The following CIB3 variants were observed in gnomAD, a reference collection of about 807,000 sequenced individuals.
CIB3 encodes calcium and integrin-binding family member 3.
Under a neutral mutation model 23.4 loss-of-function variants are expected in CIB3, and 22 were observed. The ratio of observed to expected loss-of-function variants is 0.94; its 90% CI spans 0.67 to 1.34. The LOEUF (loss-of-function observed/expected upper bound fraction) is 1.34, where lower values mean the gene tolerates loss of function less well. CIB3 is among the 40% of genes most tolerant of loss of function. The pLI is 0.00. For synonymous variants in CIB3, 93 were observed against 95.8 expected, an observed-to-expected ratio of 0.97 and a Z score of 0.17; for missense variants, 258 against 247.3, an observed-to-expected ratio of 1.04 and a Z score of -0.29.
intron 2 of CIB3, 80 bp downstream of exon 2, chr19:16,173,081 CA>C (rs2091336382): frequency 6.8e-6 from 10 of 1,472,994 alleles, no homozygotes; most frequent in African/African-American, 4.4e-5. Flanking sequence ...CACACACACA[CA>C]CACCAAATTG....
chr19:16,168,014 G>C, intron 4 of CIB3, 123 bp downstream of exon 4: 1 of 1,254,734 alleles, frequency 8.0e-7, no homozygotes, highest in Non-Finnish European at 1.1e-6. Context: ...GAGTGGGGTG[G>C]AGGACAGGGC....
chr19:16,172,443 C>A lies in CIB3; in HGVS notation c.86+719G>T, dbSNP rs142271524. Among the ~76,000 whole-genome samples the A allele has an allele frequency of 6.2e-3, 941 of 152,270 alleles. 7 individuals carry two copies. Among genetic ancestry groups the A allele is most frequent in the Middle Eastern group, 0.01 (3 of 294 alleles). ...GTGCTGGGATTACAGGCATGAGCCA[C>A]CGCGCCCAGCCTCAGGAGAATCTTT... On this transcript the variant is annotated intron_variant, in intron 2 of 5. Transcript: ENST00000269878.
rs201595916 is a variant in CIB3 at position 16,173,380 on chromosome 19, C to T, written c.51+45G>A. The stretch of plus-strand genomic sequence containing the variant: ...TGTTCCCATTTCCCAGACCACGGAA[C>T]CAAAGTTGTCAAACCCACTGAGGAC... On this transcript the variant is annotated intron_variant, in intron 1 of 5. Transcript: ENST00000269878. 93 of 1,595,484 alleles carry T rather than the reference C, an allele frequency of 5.8e-5. No homozygotes were observed. In the East Asian group the frequency reaches 1.8e-3, roughly 31 times the overall value.
At chr19:16,168,887 C>G (rs559698991) in intron 3 of CIB3, among the ~76,000 whole-genome samples, 6 of 152,138 alleles carry the variant, frequency 3.9e-5, no homozygotes, top group Non-Finnish European at 7.3e-5. Context: ...CATTCTGTCC[C>G]TCTCAAATAA....
At chr19:16,162,988 C>G (rs2091291243) in intron 5 of CIB3, among the ~76,000 whole-genome samples, 1 of 146,432 alleles carries the variant, frequency 6.8e-6, no homozygotes, top group African/African-American at 2.6e-5. Flanking sequence ...GGTTCGGGTT[C>G]AAGTTACTCT....
rs1323171858 is a variant in CIB3 at position 16,173,432 on chromosome 19, G to A, written c.44C>T (p.Ala15Val). 14 of 1,613,734 alleles carry A rather than the reference G, an allele frequency of 8.7e-6. No homozygotes were observed. The highest frequency in any genetic ancestry group is 1.1e-5 in the South Asian group (1 of 91,076). Residue 15 changes from alanine (A) to valine (V), a missense_variant, in exon 1 of 6, where the codon GCG becomes GTG. By Grantham distance (64) the Ala-to-Val change is moderately conservative. Transcript: ENST00000269878. ...QTVFTHEQLE[A>V]YQDCTFFTRK... Reference sequence around the variant, plus strand: ...CATCCTGCCCCCCTCTACCTGATACGCTTCCAGCTGCTCGTGTGTGAAGAC... The same window carrying A: ...CATCCTGCCCCCCTCTACCTGATACACTTCCAGCTGCTCGTGTGTGAAGAC...
chr19:16,167,775 T>C (rs1370297883), intron 4 of CIB3, among the ~76,000 whole-genome samples: 1 of 152,026 alleles, frequency 6.6e-6, no homozygotes. Flanking sequence ...GAGACTGCAG[T>C]AAGCCAAGAT....
Position 16,172,017 on chromosome 19 carries a change from G to C in CIB3, c.86+1145C>G, listed in dbSNP as rs371016753. On this transcript the variant is annotated intron_variant, in intron 2 of 5. Transcript: ENST00000269878. ...TACTCATCTGTGCCCATCGTGCTGG[G>C]TCACGCCAGGGACCTGCAGCAGCCT... 1.3e-4 allele frequency among the ~76,000 whole-genome samples: 20 copies of C among 152,326 alleles called. No individual in the cohort carries two copies. In the East Asian group the frequency reaches 2.9e-3, roughly 22 times the overall value.
Position 16,161,506 on chromosome 19 carries a change from G to T in CIB3, c.543-20C>A. ...AAGGTGCTGTGTGCAGAGAGAAAAG[G>T]AGTCAAGGCCTTCAAGGAGTGGACA... On this transcript the variant is annotated intron_variant, in intron 5 of 5. Transcript: ENST00000269878. 6 of 1,613,790 alleles carry T rather than the reference G, an allele frequency of 3.7e-6. No individual in the cohort carries two copies. The highest frequency in any genetic ancestry group is 1.1e-5 in the South Asian group (1 of 91,056).
chr19:16,172,022 G>T, intron 2 of CIB3, among the ~76,000 whole-genome samples: 1 of 152,232 alleles, frequency 6.6e-6, no homozygotes, highest in East Asian at 1.9e-4. Flanking sequence ...GCTGGGTCAC[G>T]CCAGGGACCT....
At position 16,173,320 on chromosome 19, in the gene CIB3, A is replaced by T. The variant is rs553154404; in HGVS notation, c.51+105T>A. The stretch of plus-strand genomic sequence containing the variant: ...TGCCACACACAGAGCAGAACCAGGA[A>T]CCCAGGCGGACGGTACACCCAGATG... On this transcript the variant is annotated intron_variant, in intron 1 of 5. Transcript: ENST00000269878. The T allele has an allele frequency of 3.3e-5, 51 of 1,562,020 alleles. No homozygotes were observed. In the African/African-American group the frequency reaches 6.0e-4, roughly 18 times the overall value.
chr19:16,172,121 C>G lies in CIB3; in HGVS notation c.86+1041G>C, dbSNP rs139514950. On this transcript the variant is annotated intron_variant, in intron 2 of 5. Coordinates refer to ENST00000269878, the MANE Select transcript of CIB3 (RefSeq NM_054113.4). Reference sequence around the variant, plus strand: ...GCTCTGGACTTTGCACCTGGGCTCCCAGCCTCAAGTCCCAGTCTCAGGAGA... The same window carrying G: ...GCTCTGGACTTTGCACCTGGGCTCCGAGCCTCAAGTCCCAGTCTCAGGAGA... Among the ~76,000 whole-genome samples, 379 of 152,358 alleles carry G rather than the reference C, an allele frequency of 2.5e-3. 2 individuals carry two copies. The highest frequency in any genetic ancestry group is 8.8e-3 in the African/African-American group (366 of 41,580).
intron 5 of CIB3, among the ~76,000 whole-genome samples, chr19:16,163,447 C>A (rs1599433763): frequency 6.6e-6 from 1 of 151,934 alleles, no homozygotes; most frequent in Admixed American, 6.6e-5. Context: ...CCCAGCTACT[C>A]GGGAGGCTGA....
rs200320820 is a variant in CIB3 at position 16,164,954 on chromosome 19, G to A, written c.347-41C>T. The A allele has an allele frequency of 3.1e-4, 492 of 1,580,008 alleles. 3 individuals carry two copies. The African/African-American group carries it at 6.1e-3, about 20-fold the overall frequency. On this transcript the variant is annotated intron_variant, in intron 4 of 5. Transcript: ENST00000269878. ...GATGGGGAGTGACAGCAGGTGGCAGGAGGGCTAGGCCGGCTGTGGGCACAT... is the reference window on the plus strand; with the variant it reads ...GATGGGGAGTGACAGCAGGTGGCAGAAGGGCTAGGCCGGCTGTGGGCACAT...
chr19:16,173,041 T>TACACACACACACACACACACAC (rs3076227), intron 2 of CIB3, 121 bp downstream of exon 2: 1 of 740,998 alleles, frequency 1.3e-6, no homozygotes, highest in Admixed American at 2.4e-5. Context: ...AAAGACTACT[T>TACACACACACACACACACACAC]ACACACACAC....
chr19:16,169,333 G>A (rs1215034691), intron 3 of CIB3, among the ~76,000 whole-genome samples: 1 of 151,952 alleles, frequency 6.6e-6, no homozygotes, highest in East Asian at 1.9e-4. Flanking sequence ...TAGTAGAGAC[G>A]GGGTTTCACC....
intron 2 of CIB3, 119 bp downstream of exon 2, chr19:16,173,041 TAC>T (rs3076227): frequency 0.13 from 96,757 of 766,806 alleles, 787 homozygotes; most frequent in African/African-American, 0.16. Flanking sequence ...AAAGACTACT[TAC>T]ACACACACAC....
Position 16,164,867 on chromosome 19 carries a change from C to G in CIB3, c.393G>C (p.Thr131=), listed in dbSNP as rs981714970. 2.5e-6 allele frequency: 4 copies of G among 1,614,122 alleles called. No individual in the cohort carries two copies. The South Asian group carries it at 3.3e-5, about 13-fold the overall frequency. ...DYICAWDLEQ[T]VTKLTRGGLS... Reference sequence around the variant, plus strand: ...GCCCCCCCCGCGTCAGTTTGGTCACCGTCTGCTCCAGGTCCCACGCACAAA... The same window carrying G: ...GCCCCCCCCGCGTCAGTTTGGTCACGGTCTGCTCCAGGTCCCACGCACAAA... Residue 131 remains threonine (T), a synonymous_variant, in exon 5 of 6, where the codon ACG becomes ACC. Coordinates refer to ENST00000269878, the MANE Select transcript of CIB3 (RefSeq NM_054113.4).
chr19:16,166,014 C>T (rs144190704), intron 4 of CIB3, among the ~76,000 whole-genome samples: 83 of 152,104 alleles, frequency 5.5e-4, no homozygotes, highest in Non-Finnish European at 8.4e-4. Context: ...GTTATGGGCC[C>T]GGCGCAGTGG....
Sources: gnomAD v4.1 joint callset for allele counts (sites outside exome capture counted in the v4.1 genomes callset) on GRCh38, gnomAD v4.1.1 for gene constraint, MANE v1.5 for transcripts, NCBI Gene and HGNC (gene_info 2026-07-23, HGNC 2026-07-21) for gene names.